HIRA: variants seen among roughly 807,000 people sequenced by gnomAD.
The protein encoded by HIRA is protein HIRA.
HIRA carries 13 observed loss-of-function variants against 126.6 expected under a neutral mutation model. The observed-to-expected ratio is 0.10, with a 90% CI of 0.07 to 0.16. The LOEUF (loss-of-function observed/expected upper bound fraction) is 0.16, where lower values mean the gene tolerates loss of function less well. HIRA is among the 10% of genes least tolerant of loss of function. The probability of loss-of-function intolerance (pLI) is 1.00; values close to 1 mark genes in which losing one functional copy is unlikely to be tolerated. For synonymous variants in HIRA, 511 were observed against 520.0 expected (o/e 0.98, Z 0.24); for missense variants, 834 against 1,314.4 (o/e 0.63, Z 5.65).
chr22:19,331,035 A>T lies in HIRA; in HGVS notation c.*405T>A. On this transcript the variant is annotated 3_prime_UTR_variant, in exon 25 of 25. Coordinates refer to ENST00000263208, the MANE Select transcript of HIRA (RefSeq NM_003325.4). ...CATAGGTCTTAGGTCAGTCTGCTGTAATACCTAACGCTTCCGGATTCTCTC... is the reference window on the plus strand; with the variant it reads ...CATAGGTCTTAGGTCAGTCTGCTGTTATACCTAACGCTTCCGGATTCTCTC... The T allele has an allele frequency of 1.3e-6, 1 of 760,920 alleles. No individual in the cohort carries two copies. 47.1% of individuals were successfully genotyped at this position (760,920 alleles called of 1,614,324 possible).
At chr22:19,373,260 C>T (rs2088984647) in intron 15 of HIRA, among the ~76,000 whole-genome samples, 1 of 152,028 alleles carries the variant, frequency 6.6e-6, no homozygotes, top group Non-Finnish European at 1.5e-5. Context: ...TTTGTTTTAG[C>T]TTTCATGTCT....
At chr22:19,417,816 T>C (rs1415958939) in intron 1 of HIRA, among the ~76,000 whole-genome samples, 1 of 152,172 alleles carries the variant, frequency 6.6e-6, no homozygotes, top group African/African-American at 2.4e-5. Flanking sequence ...AGCAGTACTA[T>C]TCACTACAGC....
chr22:19,368,521 A>G (rs1376671814), intron 15 of HIRA, among the ~76,000 whole-genome samples: 1 of 152,016 alleles, frequency 6.6e-6, no homozygotes, highest in South Asian at 2.1e-4. Context: ...TTCATATTAA[A>G]TTTTTTGTTA....
At chr22:19,400,402 C>T (rs2089258265) in intron 5 of HIRA, among the ~76,000 whole-genome samples, 4 of 152,140 alleles carry the variant, frequency 2.6e-5, no homozygotes, top group Admixed American at 1.3e-4. Context: ...TTTTGATAAG[C>T]GATGCCTCCT....
chr22:19,375,881 A>G (rs1397704525), intron 14 of HIRA, 89 bp from the exon 15 acceptor site: 1 of 1,370,334 alleles, frequency 7.3e-7, no homozygotes, highest in African/African-American at 1.5e-5. Context: ...CCTACTAAAA[A>G]AGGCACAAAT....
intron 4 of HIRA, among the ~76,000 whole-genome samples, chr22:19,406,461 A>G (rs1160620729): frequency 1.3e-5 from 2 of 152,220 alleles, no homozygotes; most frequent in African/African-American, 2.4e-5. Context: ...CCACCACAGG[A>G]GCCAGAGGAG....
chr22:19,405,527 A>G (rs1295353636), intron 5 of HIRA: 1 of 985,012 alleles, frequency 1.0e-6, no homozygotes, highest in Non-Finnish European at 1.2e-6. Flanking sequence ...AGAACGTGGG[A>G]AGTTCTACAT....
At chr22:19,390,123 G>A (rs1047134044) in intron 9 of HIRA, among the ~76,000 whole-genome samples, 9 of 152,114 alleles carry the variant, frequency 5.9e-5, no homozygotes, top group Non-Finnish European at 1.3e-4. Context: ...ACACAGTCAG[G>A]TCACAGCACA....
intron 15 of HIRA, among the ~76,000 whole-genome samples, chr22:19,368,456 T>G (rs1202507598): frequency 6.6e-6 from 1 of 152,140 alleles, no homozygotes; most frequent in Non-Finnish European, 1.5e-5. Flanking sequence ...TGTCAGACAT[T>G]TGCCTCTTCA....
At chr22:19,431,317 G>T in intron 1 of HIRA, 123 bp downstream of exon 1, 1 of 1,129,786 alleles carries the variant, frequency 8.9e-7, no homozygotes. Flanking sequence ...CCGGCTTCTT[G>T]GCTTGGGCAC....
At chr22:19,353,663 G>A in intron 22 of HIRA, 144 bp from the exon 23 acceptor site, 1 of 845,636 alleles carries the variant, frequency 1.2e-6, no homozygotes, top group Non-Finnish European at 1.8e-6. Context: ...CAGTCTGTTG[G>A]CAGATGCCAG....
intron 1 of HIRA, among the ~76,000 whole-genome samples, chr22:19,429,049 T>G (rs916278606): frequency 2.6e-5 from 4 of 151,924 alleles, no homozygotes; most frequent in African/African-American, 9.7e-5. Flanking sequence ...CTTCTGAACA[T>G]TCCATGAGAT....
chr22:19,340,899 A>T (rs1210703), intron 24 of HIRA, among the ~76,000 whole-genome samples: 132,022 of 152,252 alleles, frequency 0.87, 58,538 homozygotes, highest in Non-Finnish European at 0.96. Flanking sequence ...ACACATCTAA[A>T]GCTCATGGTA....
At chr22:19,409,535 G>A (rs1042515448) in intron 2 of HIRA, among the ~76,000 whole-genome samples, 10 of 152,080 alleles carry the variant, frequency 6.6e-5, no homozygotes, top group African/African-American at 2.2e-4. Context: ...CGCCTGCCTT[G>A]GCCTCCCAAA....
At chr22:19,411,534 G>A (rs12165774) in intron 1 of HIRA, among the ~76,000 whole-genome samples, 12,667 of 152,208 alleles carry the variant, frequency 0.083, 1,769 homozygotes, top group African/African-American at 0.29. Flanking sequence ...CCAGCTCCCT[G>A]CTTCTAGGAC....
chr22:19,413,378 C>G (rs971356739), intron 1 of HIRA, among the ~76,000 whole-genome samples: 1 of 152,094 alleles, frequency 6.6e-6, no homozygotes, highest in Admixed American at 6.5e-5. Flanking sequence ...AGCTACAAAG[C>G]CTTGAGATTT....
intron 13 of HIRA, among the ~76,000 whole-genome samples, chr22:19,378,540 T>C (rs2089040550): frequency 6.6e-6 from 1 of 152,242 alleles, no homozygotes; most frequent in African/African-American, 2.4e-5. Flanking sequence ...GGAAGCAAGG[T>C]ATTGCAGTGT....
At position 19,351,867 on chromosome 22, in the gene HIRA, A is replaced by C. The variant is rs2088762018; in HGVS notation, c.2849-421T>G. On this transcript the variant is annotated intron_variant, in intron 23 of 24. Transcript: ENST00000263208. This position sits in a 1 kb window ranked among gnomAD's most constrained non-coding sequence, Gnocchi z 4.8. The stretch of plus-strand genomic sequence containing the variant: ...GGACGGCCAGCCCGCAGGAGGTAAG[A>C]GATGGCAAAGGCATGACTGAAGAGG... Among the ~76,000 whole-genome samples, 1 of 152,108 alleles carries C rather than the reference A, an allele frequency of 6.6e-6. No individual in the cohort carries two copies. The highest frequency in any genetic ancestry group is 2.4e-5 in the African/African-American group (1 of 41,400).
chr22:19,410,431 C>T (rs8140561), intron 2 of HIRA, among the ~76,000 whole-genome samples: 1 of 152,128 alleles, frequency 6.6e-6, no homozygotes, highest in East Asian at 1.9e-4. Context: ...CTACCGCTCT[C>T]GATGCTCTAC....
Sources: gnomAD v4.1 joint callset for allele counts (sites outside exome capture counted in the v4.1 genomes callset) on GRCh38, gnomAD v4.1.1 for gene constraint, Gnocchi (gnomAD v3.1) non-coding constraint, MANE v1.5 for transcripts, NCBI Gene and HGNC (gene_info 2026-07-23, HGNC 2026-07-21) for gene names.